TBC1D12: variants seen among roughly 807,000 people sequenced by gnomAD.
TBC1D12 encodes the protein TBC1 domain family member 12.
Under a neutral mutation model 86.7 loss-of-function variants are expected in TBC1D12, and 56 were observed. That is an observed-to-expected ratio of 0.65 (90% CI 0.52 to 0.81). The LOEUF is 0.81. TBC1D12 is among the 30% of genes least tolerant of loss of function. TBC1D12 has a pLI of 0.00. For missense variants in TBC1D12, 1,023 were observed against 1,038.8 expected, an observed-to-expected ratio of 0.98 and a Z score of 0.21; for synonymous variants, 421 against 411.7, an observed-to-expected ratio of 1.02 and a Z score of -0.27.
At chr10:94,446,012 ATCTCTG>A (rs1189842482) in intron 2 of TBC1D12, among the ~76,000 whole-genome samples, 2 of 151,084 alleles carry the variant, frequency 1.3e-5, no homozygotes, top group African/African-American at 4.9e-5. Context: ...GCTTTCTACT[ATCTCTG>A]CTTCAATGTG....
At chr10:94,426,626 G>C (rs2055149891) in intron 1 of TBC1D12, among the ~76,000 whole-genome samples, 1 of 152,086 alleles carries the variant, frequency 6.6e-6, no homozygotes, top group South Asian at 2.1e-4. Flanking sequence ...ACCCAGGCTG[G>C]AGTGCAGTGG....
At chr10:94,461,311 T>G (rs903801812) in intron 2 of TBC1D12, among the ~76,000 whole-genome samples, 1 of 152,128 alleles carries the variant, frequency 6.6e-6, no homozygotes, top group Non-Finnish European at 1.5e-5. Flanking sequence ...TCAGTTTTGT[T>G]TTTTTTCCCC....
chr10:94,447,057 CA>C (rs35395527), intron 2 of TBC1D12, among the ~76,000 whole-genome samples: 5,435 of 100,476 alleles, frequency 0.054, 164 homozygotes, highest in African/African-American at 0.16. Context: ...TGAGCTGTTT[CA>C]AAAAAAAAAA....
At position 94,522,430 on chromosome 10, in the gene TBC1D12, A is replaced by G; in HGVS notation, c.1977A>G (p.Thr659=). ...TTCACTTCAAATCTTACAGTCTTACACCAGATATATACTTGATAGACTGGT... is the reference window on the plus strand; with the variant it reads ...TTCACTTCAAATCTTACAGTCTTACGCCAGATATATACTTGATAGACTGGT... ...LFLHFKSYSL[T]PDIYLIDWIF... The change falls in exon 11 of 13, where the codon ACA becomes ACG. Residue 659 remains threonine, a synonymous_variant. Transcript: ENST00000225235. 7.2e-7 allele frequency: 1 copy of G among 1,385,298 alleles called. No homozygotes were observed. The highest frequency in any genetic ancestry group is 9.9e-7 in the Non-Finnish European group (1 of 1,005,848). 85.8% of individuals were successfully genotyped at this position (1,385,298 alleles called of 1,614,324 possible). A position where few individuals can be genotyped will look rare whatever the true frequency, so the allele number is the denominator to read the frequency against.
intron 1 of TBC1D12, among the ~76,000 whole-genome samples, chr10:94,433,143 T>C (rs1246774424): frequency 6.6e-6 from 1 of 151,976 alleles, no homozygotes; most frequent in African/African-American, 2.4e-5. Flanking sequence ...AGGTGGAGGT[T>C]GCAGTGAGCC....
intron 2 of TBC1D12, among the ~76,000 whole-genome samples, chr10:94,468,093 T>C (rs1167643687): frequency 6.6e-6 from 1 of 152,214 alleles, no homozygotes; most frequent in Non-Finnish European, 1.5e-5. Flanking sequence ...TTCAAATAAC[T>C]TTATAGCACT....
At chr10:94,518,119 A>G (rs1304719167) in intron 9 of TBC1D12, among the ~76,000 whole-genome samples, 1 of 151,894 alleles carries the variant, frequency 6.6e-6, no homozygotes, top group Admixed American at 6.6e-5. Flanking sequence ...CCGCCACTGC[A>G]CTCCAGCCTG....
At chr10:94,431,086 T>C (rs1414748674) in intron 1 of TBC1D12, among the ~76,000 whole-genome samples, 3 of 152,174 alleles carry the variant, frequency 2.0e-5, no homozygotes, top group South Asian at 2.1e-4. Context: ...TTCCCTGTTA[T>C]GTGCTAACAA....
intron 1 of TBC1D12, among the ~76,000 whole-genome samples, chr10:94,413,323 A>G (rs899244390): frequency 6.6e-6 from 1 of 152,206 alleles, no homozygotes; most frequent in African/African-American, 2.4e-5. Context: ...TTAGATAGCC[A>G]TGCTTGCCTG....
intron 11 of TBC1D12, among the ~76,000 whole-genome samples, chr10:94,530,934 G>A (rs555510159): frequency 1.6e-4 from 22 of 133,524 alleles, no homozygotes; most frequent in East Asian, 5.0e-4. Context: ...ATCTCAGCTC[G>A]CTGCAACCTC....
chr10:94,524,766 C>A (rs147128481), intron 11 of TBC1D12, among the ~76,000 whole-genome samples: 2,103 of 151,078 alleles, frequency 0.014, 57 homozygotes, highest in African/African-American at 0.046. Flanking sequence ...GTAATTTTTA[C>A]CACATACTGA....
intron 1 of TBC1D12, among the ~76,000 whole-genome samples, chr10:94,428,502 A>G (rs1326750303): frequency 6.6e-6 from 1 of 151,394 alleles, no homozygotes; most frequent in Non-Finnish European, 1.5e-5. Flanking sequence ...TAGACAGGGT[A>G]ATCTCCAGTT....
chr10:94,458,173 T>C (rs2055657139), intron 2 of TBC1D12, among the ~76,000 whole-genome samples: 1 of 152,156 alleles, frequency 6.6e-6, no homozygotes, highest in Non-Finnish European at 1.5e-5. Context: ...AGGATTAATC[T>C]ATTTTATAGG....
intron 2 of TBC1D12, among the ~76,000 whole-genome samples, chr10:94,446,007 C>T (rs2055456557): frequency 6.6e-6 from 1 of 151,388 alleles, no homozygotes; most frequent in Non-Finnish European, 1.5e-5. Flanking sequence ...CTCTTGCTTT[C>T]TACTATCTCT....
chr10:94,410,394 A>C (rs2054914103), intron 1 of TBC1D12, among the ~76,000 whole-genome samples: 1 of 152,120 alleles, frequency 6.6e-6, no homozygotes, highest in African/African-American at 2.4e-5. Context: ...AATTATTTTC[A>C]TATGTGTTTT....
At chr10:94,422,283 G>A (rs535121001) in intron 1 of TBC1D12, among the ~76,000 whole-genome samples, 2 of 146,192 alleles carry the variant, frequency 1.4e-5, no homozygotes, top group African/African-American at 2.6e-5. Context: ...TCCGCCTCCC[G>A]GGTTCAAGCA....
chr10:94,509,535 A>G (rs2056502586), intron 7 of TBC1D12: 3 of 152,612 alleles, frequency 2.0e-5, no homozygotes, highest in Non-Finnish European at 4.4e-5. Context: ...CCAGATACAC[A>G]TTCAGGGCTC....
At chr10:94,482,923 T>C (rs1463459726) in intron 3 of TBC1D12, among the ~76,000 whole-genome samples, 5 of 152,300 alleles carry the variant, frequency 3.3e-5, no homozygotes, top group Middle Eastern at 3.4e-3. Context: ...TGTGCCTGGC[T>C]ATTTACTTAA....
intron 2 of TBC1D12, among the ~76,000 whole-genome samples, chr10:94,456,283 T>C (rs537920969): frequency 3.3e-5 from 5 of 152,338 alleles, no homozygotes; most frequent in African/African-American, 9.6e-5. Flanking sequence ...TAGATCTTTC[T>C]TCTTTTCTCA....
Sources: gnomAD v4.1 joint callset for allele counts (sites outside exome capture counted in the v4.1 genomes callset) on GRCh38, gnomAD v4.1.1 for gene constraint, MANE v1.5 for transcripts, NCBI Gene and HGNC (gene_info 2026-07-23, HGNC 2026-07-21) for gene names.